Variants in ART3 observed in about 807,000 individuals in gnomAD.
ART3 encodes ADP-ribosyltransferase 3 (inactive), also known as ecto-ADP-ribosyltransferase 3.
A neutral mutation model predicts 48.5 loss-of-function variants in ART3; 49 were observed. The observed-to-expected ratio is 1.01, with a 90% CI of 0.80 to 1.28. The LOEUF is 1.28. ART3 is among the 50% of genes most tolerant of loss of function. The pLI, the probability that ART3 is intolerant of heterozygous loss-of-function variation, is 0.00. For missense variants in ART3, 438 were observed against 454.3 expected (o/e 0.96, Z 0.33); for synonymous variants, 145 against 157.2 (o/e 0.92, Z 0.58).
Position 76,107,779 on chromosome 4 carries a change from A to G in ART3, c.1022A>G (p.Asn341Ser), listed in dbSNP as rs758450349. 6.8e-7 allele frequency: 1 copy of G among 1,475,720 alleles called. No homozygotes were observed. 91.4% of individuals were successfully genotyped at this position (1,475,720 alleles called of 1,614,324 possible). The change falls in exon 11 of 12, where the codon AAT (asparagine) becomes AGT (serine). Residue 341 changes from asparagine (N) to serine (S), a missense_variant. Transcript: ENST00000355810. ...FPLPEDKSQGNINNPTPGPVP... is the reference protein window; with the variant it reads ...FPLPEDKSQGSINNPTPGPVP... Reference sequence around the variant, plus strand: ...ATTTTAGAAGATAAAAGTCAAGGAAATATCAACAATCCTAGTAAGAAGTAT... The same window carrying G: ...ATTTTAGAAGATAAAAGTCAAGGAAGTATCAACAATCCTAGTAAGAAGTAT...
intron 1 of ART3, among the ~76,000 whole-genome samples, chr4:76,029,672 A>C (rs1733704728): frequency 7.2e-6 from 1 of 138,858 alleles, no homozygotes; most frequent in African/African-American, 2.8e-5. Context: ...CTTTTCAGAA[A>C]TAGATACAAA....
intron 11 of ART3, among the ~76,000 whole-genome samples, chr4:76,109,838 C>T (rs4241584): frequency 0.4 from 60,747 of 152,154 alleles, 16,637 homozygotes; most frequent in African/African-American, 0.77. Context: ...TGTATACATC[C>T]AACTGCATGT....
chr4:76,054,282 G>A (rs2149464615), intron 1 of ART3, among the ~76,000 whole-genome samples: 1 of 152,276 alleles, frequency 6.6e-6, no homozygotes, highest in Admixed American at 6.5e-5. Flanking sequence ...AAGGTATGAA[G>A]CTTCATTGGA....
chr4:76,093,429 C>T (rs1560640253), intron 3 of ART3, among the ~76,000 whole-genome samples: 1 of 152,116 alleles, frequency 6.6e-6, no homozygotes, highest in South Asian at 2.1e-4. Flanking sequence ...GACCCTGAGA[C>T]CCCATCTCAA....
At position 76,043,881 on chromosome 4, in the gene ART3, C is replaced by T. The variant is rs577268418; in HGVS notation, c.-9-32000C>T. Among the ~76,000 whole-genome samples, 351 of 152,092 alleles carry T rather than the reference C, an allele frequency of 2.3e-3. 4 individuals carry two copies. The highest frequency in any genetic ancestry group is 3.1e-3 in the Non-Finnish European group (213 of 67,926). On this transcript the variant is annotated intron_variant, in intron 1 of 9. Transcript: ENST00000341029. ...ACCTCTAAACAGGACACCCCAACTG[C>T]TGTTGGGAATTTGGCCGATGACCAC...
At chr4:76,079,545 T>C (rs888370013) in intron 2 of ART3, among the ~76,000 whole-genome samples, 4 of 152,192 alleles carry the variant, frequency 2.6e-5, no homozygotes, top group African/African-American at 9.7e-5. Flanking sequence ...AGCATGTATA[T>C]AACTGCCTGG....
At chr4:76,095,785 C>G (rs1424798477) in intron 3 of ART3, among the ~76,000 whole-genome samples, 2 of 152,172 alleles carry the variant, frequency 1.3e-5, no homozygotes, top group South Asian at 2.1e-4. Flanking sequence ...TTAAAATCCC[C>G]CTGGTGCCTG....
intron 5 of ART3, 68 bp from the exon 6 acceptor site, chr4:76,100,223 T>G: frequency 1.3e-6 from 2 of 1,484,086 alleles, no homozygotes; most frequent in Non-Finnish European, 1.9e-6. Context: ...AATTTTGCTG[T>G]AGCAATAGTA....
intron 1 of ART3, among the ~76,000 whole-genome samples, chr4:76,015,135 A>T (rs1354157479): frequency 1.3e-5 from 2 of 152,254 alleles, no homozygotes; most frequent in African/African-American, 4.8e-5. Context: ...GTAACTATGT[A>T]GGTAATATAA....
intron 1 of ART3, chr4:76,035,842 G>T: frequency 8.2e-7 from 1 of 1,219,542 alleles, no homozygotes; most frequent in Non-Finnish European, 1.2e-6. Flanking sequence ...ACTTTATCAT[G>T]TCTTTTAGGA....
intron 1 of ART3, among the ~76,000 whole-genome samples, chr4:76,043,052 G>C (rs957234110): frequency 5.4e-4 from 82 of 152,036 alleles, no homozygotes; most frequent in Middle Eastern, 3.4e-3. Context: ...CACCAGAATA[G>C]CTAGATACAG....
At chr4:76,065,552 A>AACACACACACACACACACAC (rs56794781) in intron 1 of ART3, among the ~76,000 whole-genome samples, 345 of 145,364 alleles carry the variant, frequency 2.4e-3, no homozygotes, top group African/African-American at 5.1e-3. Flanking sequence ...ATAACCCTCC[A>AACACACACACACACACACAC]ACACACACAC....
At chr4:76,077,167 T>C (rs1721287744) in intron 2 of ART3, among the ~76,000 whole-genome samples, 1 of 152,190 alleles carries the variant, frequency 6.6e-6, no homozygotes, top group African/African-American at 2.4e-5. Flanking sequence ...CCTGTACTTA[T>C]TAGCAGTCAG....
rs574124280 is a variant in ART3 at position 76,091,552 on chromosome 4, T to C, written c.782-6092T>C. On this transcript the variant is annotated intron_variant, in intron 3 of 11. Transcript: ENST00000355810. The stretch of plus-strand genomic sequence containing the variant: ...TGTATATATTTACTGAAACACCTGC[T>C]CAAAGATTTTTGTCCACTTTTAATG... Among the ~76,000 whole-genome samples, 29 of 152,338 alleles carry C rather than the reference T, an allele frequency of 1.9e-4. No individual in the cohort carries two copies. In the South Asian group the frequency reaches 5.4e-3, roughly 28 times the overall value.
chr4:76,112,258 G>T, intron 11 of ART3, 128 bp from the exon 12 acceptor site: 2 of 1,184,190 alleles, frequency 1.7e-6, no homozygotes, highest in Non-Finnish European at 2.3e-6. Flanking sequence ...CTTTTGGCTG[G>T]AAGTATTTCA....
intron 1 of ART3, among the ~76,000 whole-genome samples, chr4:76,059,810 GAACT>G (rs1365016787): frequency 6.6e-6 from 1 of 152,166 alleles, no homozygotes; most frequent in Non-Finnish European, 1.5e-5. Flanking sequence ...ACAAGTTGGA[GAACT>G]ATCAAGTTTG....
chr4:76,054,135 T>G (rs765828626), intron 1 of ART3, among the ~76,000 whole-genome samples: 1 of 152,202 alleles, frequency 6.6e-6, no homozygotes, highest in Non-Finnish European at 1.5e-5. Flanking sequence ...CTTCTGCTAC[T>G]CAGAGAAGCT....
chr4:76,064,846 T>TG (rs1235914258), intron 1 of ART3, among the ~76,000 whole-genome samples: 2 of 151,750 alleles, frequency 1.3e-5, no homozygotes, highest in Non-Finnish European at 2.9e-5. Flanking sequence ...TTTTTTTTTT[T>TG]TTTGAGACAG....
intron 3 of ART3, among the ~76,000 whole-genome samples, chr4:76,092,021 G>A (rs536073716): frequency 1.7e-4 from 26 of 152,212 alleles, no homozygotes; most frequent in African/African-American, 5.8e-4. Flanking sequence ...GATCACTATA[G>A]CTATATAATA....
Sources: gnomAD v4.1 joint callset for allele counts (sites outside exome capture counted in the v4.1 genomes callset) on GRCh38, gnomAD v4.1.1 for gene constraint, MANE v1.5 for transcripts, NCBI Gene and HGNC (gene_info 2026-07-23, HGNC 2026-07-21) for gene names.